Variants in SNX31 observed in about 807,000 individuals in gnomAD.
SNX31 encodes the protein sorting nexin 31.
Under a neutral mutation model 65.4 loss-of-function variants are expected in SNX31, and 58 were observed. That is an observed-to-expected ratio of 0.89 (90% CI 0.72 to 1.10). The LOEUF is 1.10. Ranked by LOEUF, SNX31 falls within the 50% of genes least tolerant of loss-of-function variation. SNX31 has a pLI of 0.00. For synonymous variants in SNX31, 181 were observed against 190.1 expected, an observed-to-expected ratio of 0.95 and a Z score of 0.39; for missense variants, 523 against 529.7, an observed-to-expected ratio of 0.99 and a Z score of 0.12.
rs1028396585 is a variant in SNX31, at chr8:100,629,701, A to G, written c.321+626T>C. Reference sequence around the variant, plus strand: ...CCAAGCTCATACATACAGGCATAACAATGTTTCCTTATGTGTCATTAGAAT... The same window carrying G: ...CCAAGCTCATACATACAGGCATAACGATGTTTCCTTATGTGTCATTAGAAT... On this transcript the variant is annotated intron_variant, in intron 4 of 13. Transcript: ENST00000311812. This position sits in a 1 kb window ranked among gnomAD's most constrained non-coding sequence, Gnocchi z 5.1. Among the ~76,000 whole-genome samples the G allele has an allele frequency of 6.6e-6, 1 of 152,326 alleles. No homozygotes were observed. The highest frequency in any genetic ancestry group is 1.9e-4 in the East Asian group (1 of 5,184).
rs1336869019 is a variant in SNX31 at position 100,594,797 on chromosome 8, T to C, written c.978+1842A>G. On this transcript the variant is annotated intron_variant, in intron 10 of 13. Transcript: ENST00000311812. The surrounding 1 kb of genome is among the most constrained non-coding windows in gnomAD (Gnocchi z 4.0). ...GACCCAGCAATTGCACTTGTGGGCA[T>C]TTATTCCAGAAAAATGAAGACTCAT... is the stretch of plus-strand genomic sequence containing the variant. Among the ~76,000 whole-genome samples the C allele has an allele frequency of 6.6e-6, 1 of 152,232 alleles. No homozygotes were observed. The highest frequency in any genetic ancestry group is 1.5e-5 in the Non-Finnish European group (1 of 68,044).
intron 8 of SNX31, among the ~76,000 whole-genome samples, chr8:100,607,617 A>G (rs1816292241): frequency 6.6e-6 from 1 of 152,238 alleles, no homozygotes; most frequent in Non-Finnish European, 1.5e-5. Flanking sequence ...GACTATAGTA[A>G]AAAACATTAA....
intron 4 of SNX31, chr8:100,618,340 A>C: frequency 6.5e-7 from 1 of 1,534,840 alleles, no homozygotes; most frequent in Non-Finnish European, 8.7e-7. Flanking sequence ...CCCAGTTTTC[A>C]GTATTTCCAA....
In SNX31 at chr8:100,630,700, T is replaced by G. The variant is rs1273411764; in HGVS notation, c.257-309A>C. ...TACCAGGATGATAATGAAGTTTATATGAAGAATCAGAAAGATCTTAAAACC... is the reference window on the plus strand; with the variant it reads ...TACCAGGATGATAATGAAGTTTATAGGAAGAATCAGAAAGATCTTAAAACC... On this transcript the variant is annotated intron_variant, in intron 3 of 13. Coordinates refer to ENST00000311812, the MANE Select transcript of SNX31 (RefSeq NM_152628.4). The surrounding 1 kb of genome is among the most constrained non-coding windows in gnomAD (Gnocchi z 5.3). Among the ~76,000 whole-genome samples the G allele has an allele frequency of 1.3e-5, 2 of 152,230 alleles. No homozygotes were observed. Among genetic ancestry groups the G allele is most frequent in the Non-Finnish European group, 2.9e-5 (2 of 68,040 alleles).
chr8:100,649,250 C>A lies in SNX31; in HGVS notation c.141+24G>T, dbSNP rs748975284. 1.9e-6 allele frequency: 3 copies of A among 1,612,114 alleles called. No homozygotes were observed. The African/African-American group carries it at 4.0e-5, about 22-fold the overall frequency. On this transcript the variant is annotated intron_variant, in intron 2 of 13. Coordinates refer to ENST00000311812, the MANE Select transcript of SNX31 (RefSeq NM_152628.4). ...CTCCACCTGTCTCAGTGGATGGGCT[C>A]GTACCCGCCTCCAATCTGCTCACCT... is the stretch of plus-strand genomic sequence containing the variant.
At chr8:100,591,580 T>C (rs1474608348) in intron 10 of SNX31, among the ~76,000 whole-genome samples, 3 of 151,132 alleles carry the variant, frequency 2.0e-5, no homozygotes, top group African/African-American at 7.3e-5. Context: ...ATGCCTGTAA[T>C]CCCAGCACTT....
rs1436626790 is a variant in SNX31 at position 100,613,122 on chromosome 8, G to A, written c.433-37C>T. The A allele has an allele frequency of 4.5e-6, 7 of 1,552,004 alleles. No homozygotes were observed. The East Asian group carries it at 1.6e-4, about 35-fold the overall frequency. ...AACAAGCAGAAAGGGAAAAAGTTAG[G>A]TGTGCCCACCATGCATCCTAACTGT... is the stretch of plus-strand genomic sequence containing the variant. On this transcript the variant is annotated intron_variant, in intron 5 of 13. Transcript: ENST00000311812. This position sits in a 1 kb window ranked among gnomAD's most constrained non-coding sequence, Gnocchi z 5.2.
In SNX31 at chr8:100,573,706, G is replaced by T; in HGVS notation, c.*159C>A. On this transcript the variant is annotated 3_prime_UTR_variant, in exon 14 of 14. Transcript: ENST00000311812. ...AATCTTGAGATTTCCATAGAGTGCT[G>T]TGGTATAATACCTTGATGAATACAG... is the stretch of plus-strand genomic sequence containing the variant. The T allele has an allele frequency of 4.9e-6, 2 of 406,198 alleles. No homozygotes were observed. The highest frequency in any genetic ancestry group is 9.3e-5 in the South Asian group (1 of 10,706). The allele number at this position is 406,198 out of a possible 1,614,324, so 25.2% of individuals were successfully genotyped here.
intron 8 of SNX31, among the ~76,000 whole-genome samples, chr8:100,602,606 A>G (rs1815746297): frequency 6.6e-6 from 1 of 152,246 alleles, no homozygotes; most frequent in Non-Finnish European, 1.5e-5. Context: ...AAGTATAACA[A>G]TATGCCAGCA....
chr8:100,580,586 T>C (rs1045959307), intron 12 of SNX31, among the ~76,000 whole-genome samples: 2 of 152,234 alleles, frequency 1.3e-5, no homozygotes, highest in African/African-American at 4.8e-5. Flanking sequence ...AAGTGAACCC[T>C]GCTTCATATT....
chr8:100,624,711 T>C (rs1312409544), intron 4 of SNX31, among the ~76,000 whole-genome samples: 1 of 152,180 alleles, frequency 6.6e-6, no homozygotes, highest in African/African-American at 2.4e-5. Context: ...ATTAATGAAA[T>C]GTAAACGCAA....
intron 2 of SNX31, among the ~76,000 whole-genome samples, chr8:100,646,456 T>A (rs1045120106): frequency 8.5e-5 from 13 of 152,200 alleles, no homozygotes; most frequent in African/African-American, 3.1e-4. Flanking sequence ...AGACTCTCTG[T>A]GATTCTTTCC....
At chr8:100,574,366 G>A (rs1045526899) in intron 13 of SNX31, among the ~76,000 whole-genome samples, 2 of 152,234 alleles carry the variant, frequency 1.3e-5, no homozygotes, top group African/African-American at 4.8e-5. Flanking sequence ...AGGCGCAGTG[G>A]CTCATGCCTG....
upstream of SNX31, among the ~76,000 whole-genome samples, chr8:100,650,459 A>G (rs1212260381): frequency 1.3e-5 from 2 of 152,112 alleles, no homozygotes; most frequent in Admixed American, 6.5e-5. Context: ...CATTTTTTTC[A>G]TGGGTCTGAG....
Position 100,600,353 on chromosome 8 carries a change from G to T in SNX31, c.770C>A (p.Thr257Lys). 1 of 1,612,794 alleles carries T rather than the reference G, an allele frequency of 6.2e-7. No individual in the cohort carries two copies. Among genetic ancestry groups the T allele is most frequent in the South Asian group, 1.1e-5 (1 of 90,990 alleles). The change falls in exon 9 of 14, where the codon ACA becomes AAA. Residue 257 changes from threonine to lysine, a missense_variant. Physicochemically the swap from Thr to Lys is moderately conservative, Grantham distance 78. Transcript: ENST00000311812. ...TTGGAGCAATATTTGATTCACCTTT[G>T]TTTGACTGTCTTCTTTCTGGAAAGC... ...LEAFQKEDSQTKFLELAREVR... is the reference protein window; with the variant it reads ...LEAFQKEDSQKKFLELAREVR...
At chr8:100,638,430 C>T (rs866360135) in intron 2 of SNX31, among the ~76,000 whole-genome samples, 3 of 152,340 alleles carry the variant, frequency 2.0e-5, no homozygotes, top group East Asian at 3.9e-4. Context: ...AGCAGATATA[C>T]AGCATTTCCA....
At chr8:100,581,333 C>A (rs35579691) in intron 12 of SNX31, among the ~76,000 whole-genome samples, 21,933 of 135,554 alleles carry the variant, frequency 0.16, 2,498 homozygotes, top group African/African-American at 0.29. Context: ...ATCTATCTAT[C>A]TATCTATATA....
intron 4 of SNX31, among the ~76,000 whole-genome samples, chr8:100,624,641 A>G (rs902759954): frequency 6.6e-6 from 1 of 152,170 alleles, no homozygotes; most frequent in African/African-American, 2.4e-5. Context: ...TCAAACAACA[A>G]TTTGGCTCTA....
chr8:100,636,664 C>G (rs1170658906), intron 2 of SNX31, among the ~76,000 whole-genome samples: 1 of 151,988 alleles, frequency 6.6e-6, no homozygotes, highest in Non-Finnish European at 1.5e-5. Context: ...TCCTTTTACT[C>G]TTTTTAATGT....
Sources: allele counts gnomAD v4.1 joint callset (sites outside exome capture counted in the v4.1 genomes callset), GRCh38; gene constraint gnomAD v4.1.1; non-coding constraint Gnocchi (gnomAD v3.1); transcripts MANE v1.5; gene names NCBI Gene and HGNC (gene_info 2026-07-23, HGNC 2026-07-21).